Variants in SUN1 observed in about 807,000 individuals in gnomAD.
SUN1 encodes the protein Sad1 and UNC84 domain containing 1, also known as SUN domain-containing protein 1.
Under a neutral mutation model 103.2 loss-of-function variants are expected in SUN1, and 61 were observed. That is an observed-to-expected ratio of 0.59 (90% confidence interval 0.48 to 0.73). The LOEUF (loss-of-function observed/expected upper bound fraction) is 0.73, where lower values mean the gene tolerates loss of function less well. Ranked by LOEUF, SUN1 falls within the 30% of genes least tolerant of loss-of-function variation. The probability of loss-of-function intolerance (pLI) is 0.00; values close to 1 mark genes in which losing one functional copy is unlikely to be tolerated. For synonymous variants in SUN1, 490 were observed against 425.7 expected (o/e 1.15, Z -1.86); for missense variants, 1,052 against 1,034.6 (o/e 1.02, Z -0.23).
chr7:829,722 C>T (rs1470734928), upstream of SUN1, among the ~76,000 whole-genome samples: 3 of 152,012 alleles, frequency 2.0e-5, no homozygotes, highest in Non-Finnish European at 4.4e-5. Flanking sequence ...GCCCAGCTAA[C>T]TTTTTGTATT....
intron 1 of SUN1, chr7:832,851 C>T: frequency 2.1e-6 from 1 of 468,918 alleles, no homozygotes; most frequent in South Asian, 3.3e-5. Context: ...TTCGACCCCA[C>T]CCAGGTGGTT....
chr7:824,867 G>A (rs920447616), intron 1 of SUN1, among the ~76,000 whole-genome samples: 6 of 152,062 alleles, frequency 3.9e-5, no homozygotes, highest in African/African-American at 1.2e-4. Flanking sequence ...GTGCGGGGTG[G>A]GGGCGTCCGC....
At chr7:848,373 T>G in intron 5 of SUN1, 1 of 1,328,766 alleles carries the variant, frequency 7.5e-7, no homozygotes, top group Non-Finnish European at 9.9e-7. Context: ...AAGTAGATAT[T>G]GGCTTTATGG....
chr7:820,104 G>A (rs1018870225), intron 1 of SUN1, among the ~76,000 whole-genome samples: 1 of 152,044 alleles, frequency 6.6e-6, no homozygotes, highest in Non-Finnish European at 1.5e-5. Context: ...TTCCATATTT[G>A]CAAAAAAGAC....
upstream of SUN1, chr7:831,924 T>C (rs138004345): frequency 4.0e-3 from 1,921 of 478,210 alleles, 7 homozygotes; most frequent in Non-Finnish European, 4.8e-3. Context: ...TGAGAAACAA[T>C]ATACTCAACA....
Position 854,995 on chromosome 7 carries a change from G to A in SUN1, c.1339G>A (p.Glu447Lys). The change falls in exon 11 of 19, where the codon GAA (glutamate) becomes AAA (lysine). Residue 447 changes from glutamate to lysine, a missense_variant. Transcript: ENST00000401592. ...HLEDILGKLREKSEAIQKELE... is the reference protein window; with the variant it reads ...HLEDILGKLRKKSEAIQKELE... Reference sequence around the variant, plus strand: ...GGAAGATATTCTGGGAAAACTGAGAGAAAAATCTGAGGTATTTATTTTTGA... The same window carrying A: ...GGAAGATATTCTGGGAAAACTGAGAAAAAAATCTGAGGTATTTATTTTTGA... The A allele has an allele frequency of 2.5e-6, 4 of 1,611,968 alleles. No homozygotes were observed. The highest frequency in any genetic ancestry group is 3.4e-6 in the Non-Finnish European group (4 of 1,178,846).
At chr7:832,434 T>C (rs1285045833), upstream of SUN1, 2 of 1,340,790 alleles carry the variant, frequency 1.5e-6, no homozygotes, top group Non-Finnish European at 2.1e-6. Context: ...CAGCTCAGGT[T>C]GACTGAGACA....
chr7:841,902 T>C (rs1286575024), intron 2 of SUN1, 44 bp from the exon 3 acceptor site: 1 of 1,592,268 alleles, frequency 6.3e-7, no homozygotes. Flanking sequence ...ATTTTGTATT[T>C]GCTAGAAAAG....
rs1284241897 is a variant in SUN1, at chr7:869,326, C to A, written c.1981-23C>A. ...GTAAGAGCATGCTCACACTCTGAGT[C>A]CTCATGTTTTTCCTTTCCCCAGCCT... On this transcript the variant is annotated intron_variant, in intron 16 of 18. Coordinates refer to ENST00000401592, the MANE Select transcript of SUN1 (RefSeq NM_001130965.3). 2.5e-6 allele frequency: 4 copies of A among 1,610,192 alleles called. No individual in the cohort carries two copies. The South Asian group carries it at 4.4e-5, about 18-fold the overall frequency.
At chr7:823,977 C>T (rs1788937172) in intron 1 of SUN1, among the ~76,000 whole-genome samples, 1 of 152,198 alleles carries the variant, frequency 6.6e-6, no homozygotes, top group African/African-American at 2.4e-5. Context: ...AACATCAAAA[C>T]AGTAAGAGTA....
chr7:830,993 G>A, upstream of SUN1: 2 of 985,494 alleles, frequency 2.0e-6, no homozygotes, highest in African/African-American at 1.7e-5. Flanking sequence ...GCCTACATTG[G>A]ATCCAGGCCA....
chr7:861,881 CT>C (rs1209100039), intron 15 of SUN1, among the ~76,000 whole-genome samples: 1 of 152,218 alleles, frequency 6.6e-6, no homozygotes, highest in African/African-American at 2.4e-5. Flanking sequence ...ATGATGGGGG[CT>C]GTGTTTCAGG....
rs188199171 is a variant in SUN1, at chr7:873,594, C to G, written c.*263C>G. On this transcript the variant is annotated 3_prime_UTR_variant, in exon 19 of 19. Coordinates refer to ENST00000401592, the MANE Select transcript of SUN1 (RefSeq NM_001130965.3). ...GCTCTCAGACACTCCTTGTTTTTAA[C>G]GGGAAGCTCTTTGCATTTGCATTTC... 7.6e-6 allele frequency: 3 copies of G among 394,492 alleles called. No homozygotes were observed. The highest frequency in any genetic ancestry group is 4.2e-5 in the Admixed American group (1 of 23,718). 24.4% of individuals were successfully genotyped at this position (394,492 alleles called of 1,614,324 possible).
intron 1 of SUN1, among the ~76,000 whole-genome samples, chr7:823,483 A>C (rs1788358924): frequency 6.6e-6 from 1 of 152,114 alleles, no homozygotes; most frequent in Non-Finnish European, 1.5e-5. Context: ...GCAGGAGGAC[A>C]TTCATTGCAA....
chr7:859,767 C>T (rs929427649), intron 13 of SUN1, among the ~76,000 whole-genome samples: 6 of 152,072 alleles, frequency 3.9e-5, no homozygotes, highest in African/African-American at 1.2e-4. Flanking sequence ...CTCATCAGAC[C>T]AAGTTTGTTG....
chr7:867,780 C>T (rs563740449), intron 16 of SUN1, among the ~76,000 whole-genome samples: 153 of 152,240 alleles, frequency 1.0e-3, no homozygotes, highest in Non-Finnish European at 1.9e-3. Context: ...TGGAGCCTCG[C>T]CAGAGCGTCT....
intron 10 of SUN1, 110 bp downstream of exon 10, chr7:853,728 G>A: frequency 8.0e-7 from 1 of 1,247,372 alleles, no homozygotes. Context: ...GTTGTGAAAA[G>A]GGGTTGCCCT....
intron 5 of SUN1, among the ~76,000 whole-genome samples, chr7:846,913 C>G (rs1030682144): frequency 2.6e-5 from 4 of 152,052 alleles, no homozygotes; most frequent in African/African-American, 9.7e-5. Flanking sequence ...ACTTGGGCGG[C>G]TGAGGCAGGA....
At chr7:843,257 T>C (rs374523851) in intron 4 of SUN1, 25 bp downstream of exon 4, 18 of 1,608,546 alleles carry the variant, frequency 1.1e-5, no homozygotes, top group Non-Finnish European at 1.5e-5. Flanking sequence ...CCTTTTATCT[T>C]CATATACTTT....
Sources: allele counts gnomAD v4.1 joint callset (sites outside exome capture counted in the v4.1 genomes callset), GRCh38; gene constraint gnomAD v4.1.1; transcripts MANE v1.5; gene names NCBI Gene and HGNC (gene_info 2026-07-23, HGNC 2026-07-21).